The following MME variants were observed in gnomAD, a reference collection of about 807,000 sequenced individuals.
MME encodes neprilysin.
In MME, 98 loss-of-function variants were observed where a neutral mutation model predicts 113.2. The observed-to-expected ratio is 0.87, with a 90% CI of 0.74 to 1.02. MME has a LOEUF of 1.02. MME is among the 50% of genes least tolerant of loss of function. The pLI, the probability that MME is intolerant of heterozygous loss-of-function variation, is 0.00. For synonymous variants in MME, 292 were observed against 300.6 expected (o/e 0.97, Z 0.30); for missense variants, 836 against 896.0 (o/e 0.93, Z 0.86).
intron 1 of MME, among the ~76,000 whole-genome samples, chr3:155,031,977 T>A (rs1377858119): frequency 6.6e-6 from 1 of 152,208 alleles, no homozygotes; most frequent in East Asian, 1.9e-4. Flanking sequence ...TTGTTTTTAA[T>A]TAAACATGCA....
intron 3 of MME, among the ~76,000 whole-genome samples, chr3:155,107,475 G>A (rs1490730867): frequency 6.6e-6 from 1 of 152,070 alleles, no homozygotes; most frequent in Non-Finnish European, 1.5e-5. Context: ...AATTTATAGT[G>A]ACCAAGAGTT....
At chr3:155,045,182 C>T (rs1049532959) in intron 1 of MME, among the ~76,000 whole-genome samples, 7 of 149,410 alleles carry the variant, frequency 4.7e-5, no homozygotes, top group Non-Finnish European at 7.4e-5. Flanking sequence ...GACGGAGTCT[C>T]GCTCTGTCGC....
chr3:155,084,069 C>A, intron 1 of MME, 89 bp from the exon 2 acceptor site: 1 of 1,180,476 alleles, frequency 8.5e-7, no homozygotes, highest in South Asian at 1.3e-5. Context: ...ATAACTGAGC[C>A]TTTTACTTTT....
At chr3:155,077,392 G>T (rs1454872734), upstream of MME, among the ~76,000 whole-genome samples, 2 of 152,096 alleles carry the variant, frequency 1.3e-5, no homozygotes, top group Non-Finnish European at 2.9e-5. Flanking sequence ...TGGCCAAACT[G>T]AGTGATCTTG....
At chr3:155,060,681 A>C (rs1714102208) in intron 1 of MME, among the ~76,000 whole-genome samples, 1 of 151,778 alleles carries the variant, frequency 6.6e-6, no homozygotes, top group African/African-American at 2.4e-5. Context: ...CGCAATAAAT[A>C]TTTTGTGGCT....
At chr3:155,096,197 C>T (rs17443031) in intron 3 of MME, among the ~76,000 whole-genome samples, 47,937 of 151,996 alleles carry the variant, frequency 0.32, 8,221 homozygotes, top group Non-Finnish European at 0.4. Context: ...CCGAAGTCTA[C>T]AGAAAATGAA....
chr3:155,091,303 A>G (rs1716276962), intron 3 of MME, among the ~76,000 whole-genome samples: 1 of 152,244 alleles, frequency 6.6e-6, no homozygotes, highest in Non-Finnish European at 1.5e-5. Context: ...AAAGGGAATC[A>G]GTTATATCAT....
At chr3:155,098,330 C>T (rs767785563) in intron 3 of MME, among the ~76,000 whole-genome samples, 9 of 152,012 alleles carry the variant, frequency 5.9e-5, no homozygotes, top group Non-Finnish European at 7.4e-5. Flanking sequence ...CCAAGGCAGG[C>T]GAATCACCAG....
chr3:155,125,131 T>TG (rs1338249895), intron 8 of MME, among the ~76,000 whole-genome samples: 1 of 141,270 alleles, frequency 7.1e-6, no homozygotes, highest in Non-Finnish European at 1.6e-5. Flanking sequence ...GTGCGCCGTT[T>TG]TTAAGCCGGT....
rs185568347 is a variant in MME at position 155,095,951 on chromosome 3, C to T, written c.196+10857C>T. ...ATAGCAATGAGGCCGGGAAAGCAGTCGCACTTCACCAGCTAAGTTCTGAAG... is the reference window on the plus strand; with the variant it reads ...ATAGCAATGAGGCCGGGAAAGCAGTTGCACTTCACCAGCTAAGTTCTGAAG... On this transcript the variant is annotated intron_variant, in intron 3 of 22. Coordinates refer to ENST00000360490, the MANE Select transcript of MME (RefSeq NM_007289.4). Among the ~76,000 whole-genome samples, 370 of 152,256 alleles carry T rather than the reference C, an allele frequency of 2.4e-3. 1 individual carries two copies. Among genetic ancestry groups the T allele is most frequent in the African/African-American group, 8.4e-3 (351 of 41,544 alleles).
At chr3:155,115,636 C>T (rs1031819187) in intron 4 of MME, among the ~76,000 whole-genome samples, 2 of 152,180 alleles carry the variant, frequency 1.3e-5, no homozygotes, top group Admixed American at 6.6e-5. Flanking sequence ...ACCATGTTGG[C>T]CAAGCTGGTC....
At chr3:155,088,226 A>T (rs1715939876) in intron 3 of MME, among the ~76,000 whole-genome samples, 1 of 152,058 alleles carries the variant, frequency 6.6e-6, no homozygotes, top group Non-Finnish European at 1.5e-5. Context: ...ACACACACAC[A>T]CACACAGTCT....
chr3:155,180,402 C>T lies in MME; in HGVS notation c.2196C>T (p.Ala732=), dbSNP rs143526229. The change falls in exon 23 of 23, where the codon GCC becomes GCT. Residue 732 remains alanine, a synonymous_variant. Transcript: ENST00000360490. The stretch of plus-strand genomic sequence containing the variant: ...AGAACTCTGCAGAGTTTTCAGAAGC[C>T]TTTCACTGCCGCAAGAATTCATACA... ...TLQNSAEFSE[A]FHCRKNSYMN... The T allele has an allele frequency of 3.1e-5, 50 of 1,613,654 alleles. No homozygotes were observed. The African/African-American group carries it at 6.4e-4, about 21-fold the overall frequency.
At chr3:155,130,700 G>A (rs998292539) in intron 8 of MME, among the ~76,000 whole-genome samples, 1 of 152,140 alleles carries the variant, frequency 6.6e-6, no homozygotes, top group African/African-American at 2.4e-5. Flanking sequence ...AGATGAGCAG[G>A]TGCAAGCTGG....
intron 17 of MME, 106 bp from the exon 18 acceptor site, chr3:155,166,796 G>A (rs1178692633): frequency 6.4e-6 from 9 of 1,409,344 alleles, no homozygotes; most frequent in East Asian, 2.4e-5. Context: ...GGTGGCATGC[G>A]CCTGTAGTCC....
intron 1 of MME, among the ~76,000 whole-genome samples, chr3:155,074,263 C>T (rs916200075): frequency 6.6e-6 from 1 of 152,062 alleles, no homozygotes; most frequent in Non-Finnish European, 1.5e-5. Context: ...TTAGCTTTTT[C>T]ACTCCAAAAT....
At chr3:155,137,383 A>T (rs61758182) in intron 8 of MME, among the ~76,000 whole-genome samples, 260 of 152,328 alleles carry the variant, frequency 1.7e-3, no homozygotes, top group Admixed American at 4.3e-3. Flanking sequence ...AGTTGAGAAA[A>T]TGACTATGAA....
At chr3:155,119,444 T>G (rs1718915908) in intron 8 of MME, among the ~76,000 whole-genome samples, 1 of 149,250 alleles carries the variant, frequency 6.7e-6, no homozygotes, top group Non-Finnish European at 1.5e-5. Flanking sequence ...TACTTTAAGT[T>G]TTAGGGTACA....
intron 3 of MME, among the ~76,000 whole-genome samples, chr3:155,103,442 A>G (rs1005268648): frequency 1.3e-5 from 2 of 152,138 alleles, no homozygotes; most frequent in African/African-American, 2.4e-5. Context: ...GCCCCTTTCT[A>G]TCTGATCCAT....
Sources: gnomAD v4.1 joint callset for allele counts (sites outside exome capture counted in the v4.1 genomes callset) on GRCh38, gnomAD v4.1.1 for gene constraint, MANE v1.5 for transcripts, NCBI Gene and HGNC (gene_info 2026-07-23, HGNC 2026-07-21) for gene names.